The following DOCK4 variants were observed in gnomAD, a reference collection of about 807,000 sequenced individuals.
The protein encoded by DOCK4 is dedicator of cytokinesis 4, also known as dedicator of cytokinesis protein 4.
Under a neutral mutation model 268.1 loss-of-function variants are expected in DOCK4, and 97 were observed. That is an observed-to-expected ratio of 0.36 (90% CI 0.31 to 0.43). DOCK4 has a LOEUF of 0.43. Among genes scored for constraint, DOCK4 ranks in the 20% least tolerant of loss-of-function variants. The pLI is 1.00. For missense variants in DOCK4, 2,145 were observed against 2,455.7 expected (o/e 0.87, Z 2.67); for synonymous variants, 954 against 887.2 (o/e 1.08, Z -1.34).
At chr7:111,746,296 A>T (rs368527502) in intron 44 of DOCK4, 38 bp downstream of exon 44, 6 of 1,565,636 alleles carry the variant, frequency 3.8e-6, no homozygotes, top group Non-Finnish European at 5.2e-6. Flanking sequence ...GCACATATCC[A>T]GGCAAAATAG....
rs1472483073 is a variant in DOCK4 at position 112,000,409 on chromosome 7, T to C, written c.162+85A>G. ...TGGCATTTCAACTGAGTCCCAACTG[T>C]AATTTCAATTGTATAAAGAAATAAT... On this transcript the variant is annotated intron_variant, in intron 3 of 52. Coordinates refer to ENST00000428084, the MANE Select transcript of DOCK4 (RefSeq NM_001363540.2). 3 of 926,320 alleles carry C rather than the reference T, an allele frequency of 3.2e-6. No individual in the cohort carries two copies. The Admixed American group carries it at 7.9e-5, about 24-fold the overall frequency. The allele number at this position is 926,320 out of a possible 1,614,324, so 57.4% of individuals were successfully genotyped here. A position where few individuals can be genotyped will look rare whatever the true frequency, so the allele number is the denominator to read the frequency against.
intron 1 of DOCK4, among the ~76,000 whole-genome samples, chr7:112,170,530 A>G (rs1429465133): frequency 6.6e-6 from 1 of 152,108 alleles, no homozygotes; most frequent in Non-Finnish European, 1.5e-5. Flanking sequence ...ACTTATCTCA[A>G]TAGCTCCAAA....
At chr7:111,875,779 G>T (rs1012219857) in intron 17 of DOCK4, among the ~76,000 whole-genome samples, 10 of 152,200 alleles carry the variant, frequency 6.6e-5, no homozygotes, top group Non-Finnish European at 1.0e-4. Flanking sequence ...CTGGCACCTT[G>T]ATTTTAGCCC....
chr7:111,733,414 G>A (rs2133379416), intron 51 of DOCK4, among the ~76,000 whole-genome samples: 1 of 152,310 alleles, frequency 6.6e-6, no homozygotes, highest in East Asian at 1.9e-4. Flanking sequence ...TTGCACTCTT[G>A]AATGCTGGGG....
chr7:111,933,313 T>A (rs1006974470), intron 12 of DOCK4, among the ~76,000 whole-genome samples: 2 of 139,772 alleles, frequency 1.4e-5, no homozygotes, highest in African/African-American at 5.3e-5. Context: ...TTTTTTTTTT[T>A]GAGATGGAGT....
intron 10 of DOCK4, among the ~76,000 whole-genome samples, chr7:111,941,964 C>T (rs940272854): frequency 3.9e-5 from 6 of 152,296 alleles, no homozygotes; most frequent in Admixed American, 2.0e-4. Context: ...GCAAGTTTAA[C>T]GTTAAGCCAC....
At chr7:111,945,842 G>C (rs1279114814) in intron 8 of DOCK4, 44 bp from the exon 9 acceptor site, 1 of 1,456,780 alleles carries the variant, frequency 6.9e-7, no homozygotes, top group African/African-American at 1.4e-5. Flanking sequence ...TTATTTAATA[G>C]TTAAAGATTT....
At chr7:111,913,224 G>C (rs1792279994) in intron 13 of DOCK4, among the ~76,000 whole-genome samples, 1 of 151,880 alleles carries the variant, frequency 6.6e-6, no homozygotes, top group South Asian at 2.1e-4. Flanking sequence ...CTCAGCCTCA[G>C]TGCTGGGATT....
At chr7:112,165,367 C>T (rs1256829043) in intron 1 of DOCK4, among the ~76,000 whole-genome samples, 1 of 152,098 alleles carries the variant, frequency 6.6e-6, no homozygotes, top group South Asian at 2.1e-4. Context: ...CCATGCTCTA[C>T]GTCCATGTGA....
At chr7:112,114,834 T>C (rs999295946) in intron 1 of DOCK4, among the ~76,000 whole-genome samples, 2 of 152,176 alleles carry the variant, frequency 1.3e-5, no homozygotes, top group African/African-American at 4.8e-5. Flanking sequence ...TTTCCCAGCA[T>C]TGCTTTTGCA....
intron 1 of DOCK4, among the ~76,000 whole-genome samples, chr7:112,133,765 T>C (rs1814041557): frequency 2.0e-5 from 3 of 152,130 alleles, no homozygotes; most frequent in Non-Finnish European, 4.4e-5. Flanking sequence ...AAAAATAAAA[T>C]GGCTCTTTGG....
chr7:112,019,305 G>A (rs1182278597), intron 1 of DOCK4, among the ~76,000 whole-genome samples: 1 of 152,068 alleles, frequency 6.6e-6, no homozygotes, highest in Non-Finnish European at 1.5e-5. Context: ...CTAGAATAAG[G>A]TGTACCTGCA....
At chr7:112,061,944 T>C (rs1189442340) in intron 1 of DOCK4, among the ~76,000 whole-genome samples, 1 of 152,168 alleles carries the variant, frequency 6.6e-6, no homozygotes, top group East Asian at 1.9e-4. Context: ...ATTATCTCAC[T>C]TTTTTTATAA....
intron 1 of DOCK4, among the ~76,000 whole-genome samples, chr7:112,126,601 T>C (rs544781587): frequency 1.7e-3 from 262 of 152,240 alleles, no homozygotes; most frequent in Non-Finnish European, 2.4e-3. Context: ...CAAAAGAAAC[T>C]ACCATCAGAG....
rs79478123 is a variant in DOCK4 at position 112,176,787 on chromosome 7, C to T, written c.37+29315G>A. On this transcript the variant is annotated intron_variant, in intron 1 of 52. Coordinates refer to ENST00000428084, the MANE Select transcript of DOCK4 (RefSeq NM_001363540.2). ...CATTTGCTCTGAAAGTACTGTGTTCCGCGTTGAAATTGCACATAATATAAA... is the reference window on the plus strand; with the variant it reads ...CATTTGCTCTGAAAGTACTGTGTTCTGCGTTGAAATTGCACATAATATAAA... Among the ~76,000 whole-genome samples the T allele has an allele frequency of 3.0e-3, 462 of 152,188 alleles. 8 individuals carry two copies. The highest frequency in any genetic ancestry group is 0.023 in the Admixed American group (356 of 15,284).
chr7:111,934,548 T>TA (rs1794552649), intron 12 of DOCK4, among the ~76,000 whole-genome samples: 2 of 143,120 alleles, frequency 1.4e-5, no homozygotes, highest in Non-Finnish European at 3.0e-5. Flanking sequence ...TTTTTTTTTT[T>TA]AGACAGTGTC....
chr7:111,742,277 T>C, intron 44 of DOCK4, 145 bp from the exon 45 acceptor site: 1 of 787,938 alleles, frequency 1.3e-6, no homozygotes, highest in Middle Eastern at 2.5e-4. Context: ...GCTGTCACTT[T>C]ACAGGTGAAG....
intron 1 of DOCK4, among the ~76,000 whole-genome samples, chr7:112,032,135 A>G (rs1803334265): frequency 6.6e-6 from 1 of 151,992 alleles, no homozygotes; most frequent in Admixed American, 6.6e-5. Context: ...TTTTGATAGC[A>G]AAAAAAATGT....
intron 1 of DOCK4, among the ~76,000 whole-genome samples, chr7:112,174,569 A>G (rs569552385): frequency 3.3e-5 from 5 of 152,128 alleles, no homozygotes; most frequent in Non-Finnish European, 7.4e-5. Context: ...ACATCACCAT[A>G]TATGTATATG....
Sources: allele counts gnomAD v4.1 joint callset (sites outside exome capture counted in the v4.1 genomes callset), GRCh38; gene constraint gnomAD v4.1.1; transcripts MANE v1.5; gene names NCBI Gene and HGNC (gene_info 2026-07-23, HGNC 2026-07-21).